Variants in PRKCB observed in about 807,000 individuals in gnomAD.
The protein encoded by PRKCB is protein kinase C beta type.
Under a neutral mutation model 81.5 loss-of-function variants are expected in PRKCB, and 13 were observed. The observed-to-expected ratio is 0.16, with a 90% CI of 0.10 to 0.25. The LOEUF (loss-of-function observed/expected upper bound fraction) is 0.25, where lower values mean the gene tolerates loss of function less well. Among genes scored for constraint, PRKCB ranks in the 10% least tolerant of loss-of-function variants. PRKCB has a pLI of 1.00. For missense variants in PRKCB, 509 were observed against 875.7 expected, an observed-to-expected ratio of 0.58 and a Z score of 5.29; for synonymous variants, 335 against 321.4, an observed-to-expected ratio of 1.04 and a Z score of -0.45.
intron 2 of PRKCB, among the ~76,000 whole-genome samples, chr16:23,843,868 A>C (rs1209365938): frequency 6.6e-6 from 1 of 150,696 alleles, no homozygotes; most frequent in African/African-American, 2.4e-5. Context: ...GAAGGTTTGA[A>C]AATAATTTTA....
chr16:24,208,542 T>C (rs993513941), intron 16 of PRKCB: 2 of 152,254 alleles, frequency 1.3e-5, no homozygotes, highest in Admixed American at 1.3e-4. Context: ...ATAACCCAGT[T>C]GGTTTCTGGC....
chr16:23,913,775 C>T (rs1477336323), intron 2 of PRKCB, among the ~76,000 whole-genome samples: 2 of 152,170 alleles, frequency 1.3e-5, no homozygotes, highest in African/African-American at 2.4e-5. Flanking sequence ...TCCTCTTTGT[C>T]CTTCATCTCA....
chr16:23,949,244 CAAAA>C (rs1964244825), intron 2 of PRKCB, among the ~76,000 whole-genome samples: 1 of 152,152 alleles, frequency 6.6e-6, no homozygotes, highest in Admixed American at 6.5e-5. Context: ...AACGAATGGA[CAAAA>C]GAAAGAACGA....
intron 2 of PRKCB, among the ~76,000 whole-genome samples, chr16:23,987,678 C>A (rs1343794776): frequency 2.0e-5 from 3 of 152,096 alleles, no homozygotes; most frequent in Non-Finnish European, 4.4e-5. Flanking sequence ...ATTTACTAAG[C>A]ATGCACTTTA....
At chr16:24,035,617 CGGAGGGGTGGGGCAGTCCAGT>C (rs1567352098) in intron 5 of PRKCB, 70 bp downstream of exon 5, 17 of 179,654 alleles carry the variant, frequency 9.5e-5, no homozygotes, top group South Asian at 6.8e-4. Context: ...GGGAGGGTGG[CGGAGGGGTGGGGCAGTCCAGT>C]GGAGGGGTGG....
At chr16:23,985,677 TC>T (rs1203463702) in intron 2 of PRKCB, among the ~76,000 whole-genome samples, 1 of 152,094 alleles carries the variant, frequency 6.6e-6, no homozygotes, top group Admixed American at 6.5e-5. Flanking sequence ...CTGAATACAA[TC>T]CCAATAAAAA....
At chr16:24,037,213 T>C (rs905568887) in intron 5 of PRKCB, among the ~76,000 whole-genome samples, 1 of 152,142 alleles carries the variant, frequency 6.6e-6, no homozygotes, top group Non-Finnish European at 1.5e-5. Flanking sequence ...GGTCTAGAAC[T>C]CCTGACCTCA....
chr16:23,952,823 A>G (rs1283076952), intron 2 of PRKCB, among the ~76,000 whole-genome samples: 1 of 152,224 alleles, frequency 6.6e-6, no homozygotes, highest in East Asian at 1.9e-4. Context: ...TGCCATGGAA[A>G]TGCACTGTAC....
chr16:24,127,497 AT>A (rs112738061), intron 9 of PRKCB, among the ~76,000 whole-genome samples: 30,142 of 151,958 alleles, frequency 0.2, 4,389 homozygotes, highest in African/African-American at 0.4. Flanking sequence ...CTAATTTAAC[AT>A]TTTTTATTCT....
intron 12 of PRKCB, among the ~76,000 whole-genome samples, chr16:24,176,819 G>C (rs924806594): frequency 4.6e-5 from 7 of 151,494 alleles, no homozygotes; most frequent in South Asian, 2.1e-4. Flanking sequence ...GCTTGAACCC[G>C]GGAGGCAGAG....
At chr16:24,193,850 G>A (rs546785007) in intron 16 of PRKCB, among the ~76,000 whole-genome samples, 10 of 152,254 alleles carry the variant, frequency 6.6e-5, no homozygotes, top group African/African-American at 1.7e-4. Flanking sequence ...GGCCTGCCCC[G>A]CAGGATGCAG....
intron 9 of PRKCB, among the ~76,000 whole-genome samples, chr16:24,139,738 C>T (rs1246893376): frequency 2.6e-5 from 4 of 152,182 alleles, no homozygotes; most frequent in Non-Finnish European, 5.9e-5. Context: ...CACACAGATC[C>T]ATGCTTTTAT....
At chr16:24,137,887 C>A (rs1966870380) in intron 9 of PRKCB, among the ~76,000 whole-genome samples, 1 of 152,130 alleles carries the variant, frequency 6.6e-6, no homozygotes, top group Non-Finnish European at 1.5e-5. Context: ...TTTCAAACCC[C>A]CACCCCACCC....
At chr16:24,015,848 T>C (rs550144717) in intron 3 of PRKCB, among the ~76,000 whole-genome samples, 2 of 152,306 alleles carry the variant, frequency 1.3e-5, no homozygotes, top group East Asian at 3.9e-4. Flanking sequence ...GGCTTATAGC[T>C]GTAGTAGAAG....
intron 3 of PRKCB, among the ~76,000 whole-genome samples, chr16:24,002,919 C>T (rs558984054): frequency 6.6e-6 from 1 of 152,194 alleles, no homozygotes; most frequent in South Asian, 2.1e-4. Flanking sequence ...TACCCTCTGA[C>T]CTGACCTCTG....
At chr16:24,159,420 G>T (rs994375441) in intron 10 of PRKCB, among the ~76,000 whole-genome samples, 8 of 152,190 alleles carry the variant, frequency 5.3e-5, no homozygotes, top group African/African-American at 1.9e-4. Context: ...ACAAAAAGCA[G>T]CAGCTAACAG....
chr16:24,183,364 CTT>C (rs949740819), intron 13 of PRKCB, among the ~76,000 whole-genome samples: 8 of 152,274 alleles, frequency 5.3e-5, no homozygotes, highest in Admixed American at 6.5e-5. Flanking sequence ...AAAAATCCCT[CTT>C]AGCAATTTTC....
chr16:23,840,739 C>T (rs924793756), intron 2 of PRKCB, among the ~76,000 whole-genome samples: 1 of 152,152 alleles, frequency 6.6e-6, no homozygotes, highest in Non-Finnish European at 1.5e-5. Context: ...ATTGGGGACA[C>T]TGCTATGGGT....
chr16:24,114,268 CA>C (rs543686526), intron 8 of PRKCB, among the ~76,000 whole-genome samples: 3,933 of 109,668 alleles, frequency 0.036, 66 homozygotes, highest in Non-Finnish European at 0.049. Flanking sequence ...GACTTCATCT[CA>C]AAAAAAAAAA....
Sources: allele counts gnomAD v4.1 joint callset (sites outside exome capture counted in the v4.1 genomes callset), GRCh38; gene constraint gnomAD v4.1.1; transcripts MANE v1.5; gene names NCBI Gene and HGNC (gene_info 2026-07-23, HGNC 2026-07-21).